The following TPGS2 variants were observed in gnomAD, a reference collection of about 807,000 sequenced individuals.
TPGS2 encodes the protein polyglutamylase subunit 2.
In TPGS2, 26 loss-of-function variants were observed where a neutral mutation model predicts 31.1. The ratio of observed to expected loss-of-function variants is 0.84; its 90% confidence interval spans 0.61 to 1.16. TPGS2 has a LOEUF of 1.16. Ranked by LOEUF, TPGS2 falls within the 50% of genes most tolerant of loss-of-function variation. The probability of loss-of-function intolerance (pLI) is 0.00; values close to 1 mark genes in which losing one functional copy is unlikely to be tolerated. For missense variants in TPGS2, 351 were observed against 363.8 expected, an observed-to-expected ratio of 0.96 and a Z score of 0.29; for synonymous variants, 130 against 136.6, an observed-to-expected ratio of 0.95 and a Z score of 0.34.
intron 1 of TPGS2, among the ~76,000 whole-genome samples, chr18:36,828,181 A>G (rs181541858): frequency 3.5e-4 from 54 of 152,346 alleles, no homozygotes; most frequent in Non-Finnish European, 6.8e-4. Context: ...AATACAAACA[A>G]GCAAGCAAAC....
At chr18:36,808,726 A>G (rs1425446030) in intron 2 of TPGS2, among the ~76,000 whole-genome samples, 3 of 152,110 alleles carry the variant, frequency 2.0e-5, no homozygotes, top group Non-Finnish European at 4.4e-5. Context: ...AACCATATAT[A>G]CTCAAATATT....
chr18:36,798,434 G>T lies in TPGS2; in HGVS notation c.657+15C>A. ...AATATACCATAGTTTACAATGGCAG[G>T]TGTTCCTCCCTTACCTTGGCCTGTG... On this transcript the variant is annotated intron_variant, in intron 6 of 6. Coordinates refer to ENST00000334295, the MANE Select transcript of TPGS2 (RefSeq NM_015476.4). 1 of 1,614,080 alleles carries T rather than the reference G, an allele frequency of 6.2e-7. No individual in the cohort carries two copies. Among genetic ancestry groups the T allele is most frequent in the Non-Finnish European group, 8.5e-7 (1 of 1,179,984 alleles).
chr18:36,798,709 C>T, intron 5 of TPGS2, 100 bp from the exon 6 acceptor site: 1 of 1,484,764 alleles, frequency 6.7e-7, no homozygotes, highest in Non-Finnish European at 9.0e-7. Context: ...AAAAAAATCC[C>T]AACAGAGAGA....
intron 4 of TPGS2, among the ~76,000 whole-genome samples, chr18:36,800,661 G>A (rs980203857): frequency 3.0e-4 from 46 of 151,952 alleles, no homozygotes; most frequent in African/African-American, 1.1e-3. Flanking sequence ...TATAAAAGTG[G>A]GATAGCAAAC....
chr18:36,797,927 C>G (rs2044613710), intron 6 of TPGS2: 1 of 159,388 alleles, frequency 6.3e-6, no homozygotes, highest in Admixed American at 6.1e-5. Context: ...GGAATAAGCC[C>G]CAAGATGGAG....
chr18:36,788,818 A>G (rs1456864784), intron 6 of TPGS2: 1 of 152,222 alleles, frequency 6.6e-6, no homozygotes, highest in African/African-American at 2.4e-5. Context: ...TGGGGTATCC[A>G]TCCCCTCAAA....
In TPGS2 at chr18:36,798,308, G is replaced by C. The variant is rs2044630485; in HGVS notation, c.657+141C>G. On this transcript the variant is annotated intron_variant, in intron 6 of 6. Coordinates refer to ENST00000334295, the MANE Select transcript of TPGS2 (RefSeq NM_015476.4). Reference sequence around the variant, plus strand: ...GCTGTCCATTGGAATCATCTGTCTTGCTTATTGAAAATGCAGGTTCCTGGG... The same window carrying C: ...GCTGTCCATTGGAATCATCTGTCTTCCTTATTGAAAATGCAGGTTCCTGGG... 3 of 1,501,074 alleles carry C rather than the reference G, an allele frequency of 2.0e-6. No individual in the cohort carries two copies. In the South Asian group the frequency reaches 4.0e-5, roughly 20 times the overall value. The allele number at this position is 1,501,074 out of a possible 1,614,324, so 93.0% of individuals were successfully genotyped here. A position where few individuals can be genotyped will look rare whatever the true frequency, so the allele number is the denominator to read the frequency against.
At chr18:36,812,755 C>T (rs1473089377) in intron 2 of TPGS2, among the ~76,000 whole-genome samples, 1 of 152,198 alleles carries the variant, frequency 6.6e-6, no homozygotes, top group African/African-American at 2.4e-5. Flanking sequence ...GAAGTGAGGG[C>T]AGTCTTGTGA....
chr18:36,798,657 T>A, intron 5 of TPGS2, 48 bp from the exon 6 acceptor site: 1 of 1,581,976 alleles, frequency 6.3e-7, no homozygotes, highest in Non-Finnish European at 8.6e-7. Context: ...AGCTTAACAG[T>A]TTTTTCTTTT....
At chr18:36,819,048 C>T in intron 1 of TPGS2, 75 bp from the exon 2 acceptor site, 1 of 1,144,522 alleles carries the variant, frequency 8.7e-7, no homozygotes. Context: ...TGTTGACTAA[C>T]TGTTGATGAC....
chr18:36,795,412 T>G lies in TPGS2; in HGVS notation c.*1393A>C. ...GGTAGAGGCCCCTGCACCTCATTCC[T>G]CAAAACTCCTAATTCTCTAACCTCT... is the stretch of plus-strand genomic sequence containing the variant. On this transcript the variant is annotated 3_prime_UTR_variant, in exon 7 of 7. Transcript: ENST00000334295. The G allele has an allele frequency of 1.0e-6, 1 of 985,374 alleles. No individual in the cohort carries two copies. The highest frequency in any genetic ancestry group is 4.7e-5 in the South Asian group (1 of 21,290). 61.0% of individuals were successfully genotyped at this position (985,374 alleles called of 1,614,324 possible).
chr18:36,791,066 C>A (rs1296012764), downstream of TPGS2, among the ~76,000 whole-genome samples: 1 of 152,136 alleles, frequency 6.6e-6, no homozygotes, highest in African/African-American at 2.4e-5. Flanking sequence ...ATAGTGAGTT[C>A]TCACGAGATC....
chr18:36,786,877 G>A, intron 6 of TPGS2: 1 of 1,234,364 alleles, frequency 8.1e-7, no homozygotes, highest in Non-Finnish European at 1.0e-6. Flanking sequence ...ACTGAGGAAT[G>A]ATTGCGACAC....
At chr18:36,811,140 G>A (rs17652340) in intron 2 of TPGS2, among the ~76,000 whole-genome samples, 18,436 of 152,246 alleles carry the variant, frequency 0.12, 1,384 homozygotes, top group Admixed American at 0.17. Context: ...AACATTGCTG[G>A]AAATTGTGGC....
In TPGS2 at chr18:36,794,763, T is replaced by G; in HGVS notation, c.*2042A>C. ...TGCACATTTATAAATCCTTGAAGTA[T>G]AATAACCTAAACAACTAAAAGGGCC... is the stretch of plus-strand genomic sequence containing the variant. On this transcript the variant is annotated 3_prime_UTR_variant, in exon 7 of 7. Transcript: ENST00000334295. 1.0e-6 allele frequency: 1 copy of G among 984,784 alleles called. No individual in the cohort carries two copies. The highest frequency in any genetic ancestry group is 1.2e-6 in the Non-Finnish European group (1 of 829,896). 61.0% of individuals were successfully genotyped at this position (984,784 alleles called of 1,614,324 possible).
chr18:36,782,129 C>A (rs1036277855), downstream of TPGS2, among the ~76,000 whole-genome samples: 8 of 152,144 alleles, frequency 5.3e-5, no homozygotes, highest in Non-Finnish European at 1.0e-4. Flanking sequence ...GTTTAGTGAA[C>A]AAATATGTCA....
chr18:36,796,231 T>C lies in TPGS2; in HGVS notation c.*574A>G, dbSNP rs1600741732. Reference sequence around the variant, plus strand: ...CATCAACATTAACAACAAAAATTAATTGAGGAAGAGCAGTATGAAAATATT... The same window carrying C: ...CATCAACATTAACAACAAAAATTAACTGAGGAAGAGCAGTATGAAAATATT... On this transcript the variant is annotated 3_prime_UTR_variant, in exon 7 of 7. Transcript: ENST00000334295. The C allele has an allele frequency of 4.1e-6, 4 of 985,380 alleles. No homozygotes were observed. The highest frequency in any genetic ancestry group is 4.8e-6 in the Non-Finnish European group (4 of 829,940). The allele number at this position is 985,380 out of a possible 1,614,324, so 61.0% of individuals were successfully genotyped here. A position where few individuals can be genotyped will look rare whatever the true frequency, so the allele number is the denominator to read the frequency against.
downstream of TPGS2, among the ~76,000 whole-genome samples, chr18:36,792,244 GT>G (rs2044337529): frequency 6.6e-6 from 1 of 152,128 alleles, no homozygotes; most frequent in South Asian, 2.1e-4. Context: ...AAGCAGTGTA[GT>G]GTAAAAACCA....
In TPGS2 at chr18:36,795,564, G is replaced by A; in HGVS notation, c.*1241C>T. On this transcript the variant is annotated 3_prime_UTR_variant, in exon 7 of 7. Coordinates refer to ENST00000334295, the MANE Select transcript of TPGS2 (RefSeq NM_015476.4). ...CCCACAGCCAGGACTGTAGAGGGAG[G>A]AAATAAATAGGCATTCCTAATTGAA... 2 of 985,440 alleles carry A rather than the reference G, an allele frequency of 2.0e-6. No homozygotes were observed. Among genetic ancestry groups the A allele is most frequent in the Non-Finnish European group, 2.4e-6 (2 of 829,932 alleles). The allele number at this position is 985,440 out of a possible 1,614,324, so 61.0% of individuals were successfully genotyped here. A position where few individuals can be genotyped will look rare whatever the true frequency, so the allele number is the denominator to read the frequency against.
Sources: allele counts gnomAD v4.1 joint callset (sites outside exome capture counted in the v4.1 genomes callset), GRCh38; gene constraint gnomAD v4.1.1; transcripts MANE v1.5; gene names NCBI Gene and HGNC (gene_info 2026-07-23, HGNC 2026-07-21).